The following CRYBG1 variants were observed in gnomAD, a reference collection of about 807,000 sequenced individuals.
The protein encoded by CRYBG1 is beta/gamma crystallin domain-containing protein 1.
A neutral mutation model predicts 189.2 loss-of-function variants in CRYBG1; 139 were observed. That is an observed-to-expected ratio of 0.73 (90% CI 0.64 to 0.85). The LOEUF (loss-of-function observed/expected upper bound fraction) is 0.85. CRYBG1 is among the 40% of genes least tolerant of loss of function. The probability of loss-of-function intolerance (pLI) is 0.00; values close to 1 mark genes in which losing one functional copy is unlikely to be tolerated. For missense variants in CRYBG1, 2,611 were observed against 2,675.8 expected, an observed-to-expected ratio of 0.98 and a Z score of 0.53; for synonymous variants, 1,023 against 1,017.1, an observed-to-expected ratio of 1.01 and a Z score of -0.11.
intron 1 of CRYBG1, among the ~76,000 whole-genome samples, chr6:106,369,615 G>A (rs1769974824): frequency 6.6e-6 from 1 of 152,096 alleles, no homozygotes; most frequent in East Asian, 1.9e-4. Flanking sequence ...TAGGATCAAG[G>A]GTCAAAATAA....
chr6:106,516,228 G>A (rs1454258419), intron 3 of CRYBG1, among the ~76,000 whole-genome samples: 1 of 142,482 alleles, frequency 7.0e-6, no homozygotes, highest in Non-Finnish European at 1.5e-5. Flanking sequence ...AAGCTCCTTA[G>A]GCCCAAGCTT....
Position 106,569,414 on chromosome 6 carries a change from G to T in CRYBG1, c.*848G>T, listed in dbSNP as rs539792881. 3.3e-5 allele frequency: 5 copies of T among 151,958 alleles called. No individual in the cohort carries two copies. Among genetic ancestry groups the T allele is most frequent in the Admixed American group, 2.0e-4 (3 of 15,248 alleles). The allele number at this position is 151,958 out of a possible 1,614,324, so 9.4% of individuals were successfully genotyped here. A position where few individuals can be genotyped will look rare whatever the true frequency, so the allele number is the denominator to read the frequency against. ...TTTTGTTTTTTTTTTGTAGAGATGG[G>T]GTTTCATCACGTTGCCCAGGCTGAT... On this transcript the variant is annotated 3_prime_UTR_variant, in exon 22 of 22. Coordinates refer to ENST00000633556, the MANE Select transcript of CRYBG1 (RefSeq NM_001371242.2).
chr6:106,433,768 TA>T (rs1771395382), intron 1 of CRYBG1, among the ~76,000 whole-genome samples: 2 of 58,464 alleles, frequency 3.4e-5, no homozygotes, highest in South Asian at 6.0e-4. Flanking sequence ...TGTATATATA[TA>T]TATGTATATA....
intron 1 of CRYBG1, among the ~76,000 whole-genome samples, chr6:106,410,668 A>C (rs1380751130): frequency 6.6e-6 from 1 of 152,248 alleles, no homozygotes; most frequent in Non-Finnish European, 1.5e-5. Flanking sequence ...CATGCCACAT[A>C]TACACCATGA....
intron 1 of CRYBG1, among the ~76,000 whole-genome samples, chr6:106,397,662 G>A (rs116515433): frequency 6.6e-6 from 1 of 152,202 alleles, no homozygotes; most frequent in African/African-American, 2.4e-5. Context: ...AATGGTTTAG[G>A]GTCAGTGGAA....
At position 106,520,039 on chromosome 6, in the gene CRYBG1, C is replaced by A; in HGVS notation, c.2831C>A (p.Ala944Asp). 6.2e-7 allele frequency: 1 copy of A among 1,614,174 alleles called. No individual in the cohort carries two copies. Among genetic ancestry groups the A allele is most frequent in the African/African-American group, 1.3e-5 (1 of 75,040 alleles). ...TTGTCCACAGAGCGTAGTCCAGAAG[C>A]TGTGGGAAGTGAGTGTCCATCCAGA... ...PPLSTERSPE[A>D]VGSECPSRVL... Residue 944 changes from alanine to aspartate, a missense_variant, in exon 4 of 22, where the codon GCT becomes GAT. Transcript: ENST00000633556.
At position 106,530,193 on chromosome 6, in the gene CRYBG1, C is replaced by T; in HGVS notation, c.4596C>T (p.His1532=). ...RHVVQDYRVS[H]IDLFTEPEGL... is the part of the protein sequence containing the mutation. Reference sequence around the variant, plus strand: ...TTTTTCAGGATTACAGAGTTAGTCACATTGACTTATTTACTGAACCAGAAG... The same window carrying T: ...TTTTTCAGGATTACAGAGTTAGTCATATTGACTTATTTACTGAACCAGAAG... Residue 1532 remains histidine, a synonymous_variant, in exon 8 of 22, where the codon CAC becomes CAT. Coordinates refer to ENST00000633556, the MANE Select transcript of CRYBG1 (RefSeq NM_001371242.2). 1.9e-6 allele frequency: 3 copies of T among 1,611,654 alleles called. No homozygotes were observed. Among genetic ancestry groups the T allele is most frequent in the Non-Finnish European group, 1.7e-6 (2 of 1,178,842 alleles).
intron 4 of CRYBG1, among the ~76,000 whole-genome samples, chr6:106,523,183 A>G (rs139798723): frequency 0.014 from 2,172 of 152,218 alleles, 21 homozygotes; most frequent in South Asian, 0.027. Flanking sequence ...CCCATGGACT[A>G]CCTGAAAGTA....
intron 3 of CRYBG1, 59 bp from the exon 4 acceptor site, chr6:106,519,072 T>C: frequency 6.6e-7 from 1 of 1,518,250 alleles, no homozygotes; most frequent in South Asian, 1.3e-5. Context: ...TTAATTGGTT[T>C]GTGTGTTCAC....
chr6:106,470,378 A>G (rs1772207651), intron 2 of CRYBG1, among the ~76,000 whole-genome samples: 1 of 152,138 alleles, frequency 6.6e-6, no homozygotes. Flanking sequence ...TTGGACTGAC[A>G]AAAAATTGGC....
At chr6:106,500,873 A>C (rs1772993305) in intron 2 of CRYBG1, among the ~76,000 whole-genome samples, 2 of 152,226 alleles carry the variant, frequency 1.3e-5, no homozygotes, top group African/African-American at 4.8e-5. Context: ...GAAAGAGAAT[A>C]AGGCTAGAGA....
chr6:106,408,996 C>A (rs1274340838), intron 1 of CRYBG1, among the ~76,000 whole-genome samples: 1 of 152,138 alleles, frequency 6.6e-6, no homozygotes, highest in Non-Finnish European at 1.5e-5. Flanking sequence ...CACTCCTATT[C>A]AACATAGTGT....
rs1284596736 is a variant in CRYBG1, at chr6:106,512,793, G to T, written c.1676G>T (p.Ser559Ile). ...SPVTKGTAAE[S>I]GEEAARAIPR... ...GTCACCAAGGGCACTGCGGCCGAGA[G>T]CGGGGAGGAGGCGGCGCGGGCCATC... is the stretch of plus-strand genomic sequence containing the variant. The change falls in exon 3 of 22, where the codon AGC becomes ATC. Residue 559 changes from serine (S) to isoleucine (I), a missense_variant. This residue lies in a region of CRYBG1 where 985 missense variants were observed against 924.4 expected (regional missense o/e 1.07). Coordinates refer to ENST00000633556, the MANE Select transcript of CRYBG1 (RefSeq NM_001371242.2). 1 of 1,579,756 alleles carries T rather than the reference G, an allele frequency of 6.3e-7. No homozygotes were observed. The highest frequency in any genetic ancestry group is 8.6e-7 in the Non-Finnish European group (1 of 1,162,592).
chr6:106,425,516 T>C (rs1385997487), intron 1 of CRYBG1, among the ~76,000 whole-genome samples: 1 of 152,302 alleles, frequency 6.6e-6, no homozygotes, highest in Non-Finnish European at 1.5e-5. Flanking sequence ...CCCTATCTTA[T>C]TACAGTCATC....
intron 1 of CRYBG1, among the ~76,000 whole-genome samples, chr6:106,370,321 C>T (rs1769993497): frequency 6.6e-6 from 1 of 152,208 alleles, no homozygotes; most frequent in African/African-American, 2.4e-5. Flanking sequence ...TGCCCTGACA[C>T]AGGCAGGAGA....
chr6:106,468,373 A>C (rs1484175894), intron 2 of CRYBG1, among the ~76,000 whole-genome samples: 1 of 152,240 alleles, frequency 6.6e-6, no homozygotes, highest in Non-Finnish European at 1.5e-5. Flanking sequence ...CAAACTAGGC[A>C]GTTTTAGAAG....
chr6:106,571,401 GTAC>G lies in CRYBG1; in HGVS notation c.*2836_*2838del, dbSNP rs1775054610. The stretch of plus-strand genomic sequence containing the variant: ...TCTATACACTGAAAGTTTTAGTATT[GTAC>G]ATTAAGACGATCAGGCCCAGCAGGG... On this transcript the variant is annotated 3_prime_UTR_variant, in exon 22 of 22. Transcript: ENST00000633556. 1 of 152,296 alleles carries G rather than the reference GTAC, an allele frequency of 6.6e-6. No homozygotes were observed. The highest frequency in any genetic ancestry group is 6.5e-5 in the Admixed American group (1 of 15,276). 9.4% of individuals were successfully genotyped at this position (152,296 alleles called of 1,614,324 possible).
At chr6:106,499,110 TTTTG>T (rs1356933072) in intron 2 of CRYBG1, among the ~76,000 whole-genome samples, 14 of 151,180 alleles carry the variant, frequency 9.3e-5, no homozygotes, top group African/African-American at 2.4e-4. Flanking sequence ...TTGCATTTTT[TTTTG>T]TTTGTGTGTT....
intron 1 of CRYBG1, among the ~76,000 whole-genome samples, chr6:106,445,918 G>A (rs1174981517): frequency 6.6e-6 from 1 of 152,208 alleles, no homozygotes; most frequent in Non-Finnish European, 1.5e-5. Flanking sequence ...TATTTCTGGA[G>A]ATGGGAGAGA....
Sources: allele counts gnomAD v4.1 joint callset (sites outside exome capture counted in the v4.1 genomes callset), GRCh38; gene constraint gnomAD v4.1.1; regional missense constraint gnomAD v4.1.1; transcripts MANE v1.5; gene names NCBI Gene and HGNC (gene_info 2026-07-23, HGNC 2026-07-21).